The following ARMC9 variants were observed in gnomAD, a reference collection of about 807,000 sequenced individuals.
The protein encoded by ARMC9 is armadillo repeat containing 9, also known as lisH domain-containing protein ARMC9.
A neutral mutation model predicts 107.0 loss-of-function variants in ARMC9; 94 were observed. The ratio of observed to expected loss-of-function variants is 0.88; its 90% CI spans 0.74 to 1.04. The LOEUF (loss-of-function observed/expected upper bound fraction) is 1.04, where lower values mean the gene tolerates loss of function less well. Among genes scored for constraint, ARMC9 ranks in the 50% least tolerant of loss-of-function variants. The pLI is 0.00. For missense variants in ARMC9, 942 were observed against 1,030.1 expected (o/e 0.91, Z 1.17); for synonymous variants, 380 against 396.9 (o/e 0.96, Z 0.51).
intron 9 of ARMC9, among the ~76,000 whole-genome samples, chr2:231,251,555 G>A (rs191690750): frequency 1.4e-3 from 218 of 152,282 alleles, no homozygotes; most frequent in Non-Finnish European, 2.7e-3. Flanking sequence ...ACTGAGGCGT[G>A]GGGAGTTATT....
At chr2:231,280,220 C>T (rs769735849) in intron 16 of ARMC9, among the ~76,000 whole-genome samples, 40 of 152,038 alleles carry the variant, frequency 2.6e-4, no homozygotes, top group Admixed American at 7.9e-4. Flanking sequence ...TTTGGGAGAC[C>T]GAGGCAGGAG....
At chr2:231,342,997 T>G (rs1375263522) in intron 20 of ARMC9, among the ~76,000 whole-genome samples, 1 of 152,100 alleles carries the variant, frequency 6.6e-6, no homozygotes, top group Admixed American at 6.6e-5. Flanking sequence ...CACTGCAACC[T>G]CCACCTCCCT....
chr2:231,272,110 G>A (rs2039370685), intron 13 of ARMC9, among the ~76,000 whole-genome samples: 1 of 150,552 alleles, frequency 6.6e-6, no homozygotes. Flanking sequence ...TAAAACCAAC[G>A]TTTAACGTTT....
intron 2 of ARMC9, among the ~76,000 whole-genome samples, chr2:231,207,624 C>T (rs897870726): frequency 1.3e-5 from 2 of 152,166 alleles, no homozygotes; most frequent in Non-Finnish European, 2.9e-5. Flanking sequence ...TACAGGCACG[C>T]GCCACTGCGC....
intron 3 of ARMC9, among the ~76,000 whole-genome samples, chr2:231,210,995 T>A (rs2032764577): frequency 6.6e-6 from 1 of 152,198 alleles, no homozygotes; most frequent in African/African-American, 2.4e-5. Flanking sequence ...ATAAATGGAA[T>A]TATGCAGTAT....
intron 18 of ARMC9, chr2:231,295,184 C>T (rs1559420425): frequency 6.6e-6 from 1 of 152,240 alleles, no homozygotes; most frequent in Non-Finnish European, 1.5e-5. Flanking sequence ...ACCTTCATGT[C>T]ATTTGTTCAA....
At chr2:231,285,546 T>C (rs1000685307) in intron 17 of ARMC9, among the ~76,000 whole-genome samples, 2 of 151,744 alleles carry the variant, frequency 1.3e-5, no homozygotes, top group African/African-American at 4.8e-5. Context: ...CTCGGGAGGC[T>C]GAGGCAGGAG....
chr2:231,264,740 G>A (rs1012066945), intron 12 of ARMC9, among the ~76,000 whole-genome samples: 4 of 147,890 alleles, frequency 2.7e-5, no homozygotes, highest in Middle Eastern at 3.8e-3. Context: ...CGGGTGATCC[G>A]CCCGCCTCAG....
At chr2:231,308,873 G>A (rs1355178222) in intron 19 of ARMC9, among the ~76,000 whole-genome samples, 1 of 152,224 alleles carries the variant, frequency 6.6e-6, no homozygotes, top group African/African-American at 2.4e-5. Flanking sequence ...TGCTCTCCAT[G>A]AATCAGTCAC....
intron 20 of ARMC9, among the ~76,000 whole-genome samples, chr2:231,332,239 GA>G (rs2043792022): frequency 6.6e-6 from 1 of 152,208 alleles, no homozygotes; most frequent in Non-Finnish European, 1.5e-5. Flanking sequence ...AGGGAATACT[GA>G]GGTAGACTTG....
At position 231,257,460 on chromosome 2, in the gene ARMC9, G is replaced by A. The variant is rs79685138; in HGVS notation, c.914+840G>A. On this transcript the variant is annotated intron_variant, in intron 10 of 24. Coordinates refer to ENST00000611582, the MANE Select transcript of ARMC9 (RefSeq NM_001352754.2). ...CCAGCTTTGCGGGAGAGGAGGGGAA[G>A]ACGGGTGCTGTGTGATTCCTCACAC... is the stretch of plus-strand genomic sequence containing the variant. Among the ~76,000 whole-genome samples the A allele has an allele frequency of 7.4e-3, 1,130 of 152,312 alleles. 6 individuals are homozygous for A. Among genetic ancestry groups the A allele is most frequent in the Middle Eastern group, 0.014 (4 of 294 alleles).
In ARMC9 at chr2:231,358,331, C is replaced by T. The variant is rs2045423476; in HGVS notation, c.2131+2397C>T. On this transcript the variant is annotated intron_variant, in intron 22 of 24. Transcript: ENST00000611582. This position sits in a 1 kb window ranked among gnomAD's most constrained non-coding sequence, Gnocchi z 4.5. ...CTTCCTCCAGACAGTCCTGCTTCTCCATCCCTCCCCTCCACTTCAATTGAT... is the reference window on the plus strand; with the variant it reads ...CTTCCTCCAGACAGTCCTGCTTCTCTATCCCTCCCCTCCACTTCAATTGAT... Among the ~76,000 whole-genome samples the T allele has an allele frequency of 6.6e-6, 1 of 151,968 alleles. No individual in the cohort carries two copies. Among genetic ancestry groups the T allele is most frequent in the Admixed American group, 6.5e-5 (1 of 15,268 alleles).
intron 6 of ARMC9, 132 bp downstream of exon 6, chr2:231,222,952 C>T (rs1559310423): frequency 1.8e-6 from 1 of 561,852 alleles, no homozygotes; most frequent in African/African-American, 1.9e-5. Flanking sequence ...TTCATATTTA[C>T]AAGGTCAATG....
intron 24 of ARMC9, among the ~76,000 whole-genome samples, chr2:231,370,885 T>C (rs1306131731): frequency 6.6e-6 from 1 of 152,176 alleles, no homozygotes; most frequent in Non-Finnish European, 1.5e-5. Context: ...CCGCTTAGGA[T>C]ATGCGCATTT....
chr2:231,355,694 T>G, intron 21 of ARMC9, 104 bp from the exon 22 acceptor site: 2 of 1,346,144 alleles, frequency 1.5e-6, no homozygotes, highest in Non-Finnish European at 2.0e-6. Context: ...AACAAGACTT[T>G]GAGGCACCGC....
rs111854980 is a variant in ARMC9 at position 231,215,049 on chromosome 2, A to G, written c.348+48A>G. 177 of 1,584,190 alleles carry G rather than the reference A, an allele frequency of 1.1e-4. 1 individual carries two copies. In the African/African-American group the frequency reaches 2.0e-3, roughly 18 times the overall value. ...GTGGGTCTGAGTGGTGTGTTAAGGA[A>G]CAGTGTTTGCTGTCATTGTCCACAT... On this transcript the variant is annotated intron_variant, in intron 4 of 24. Transcript: ENST00000611582.
intron 24 of ARMC9, chr2:231,370,787 A>G (rs2045987220): frequency 4.1e-6 from 1 of 241,300 alleles, no homozygotes; most frequent in Non-Finnish European, 8.4e-6. Flanking sequence ...TCCACGCCCC[A>G]ACTGAGCTGA....
chr2:231,245,240 A>G (rs965184781), intron 9 of ARMC9, among the ~76,000 whole-genome samples: 2 of 152,238 alleles, frequency 1.3e-5, no homozygotes, highest in South Asian at 4.1e-4. Context: ...GGGAGAAATC[A>G]GATTTTATAT....
chr2:231,330,757 CT>C (rs2043676452), intron 19 of ARMC9, among the ~76,000 whole-genome samples: 1 of 152,110 alleles, frequency 6.6e-6, no homozygotes, highest in East Asian at 1.9e-4. Context: ...TAAAATCTTC[CT>C]GTCATGCCAG....
Sources: gnomAD v4.1 joint callset for allele counts (sites outside exome capture counted in the v4.1 genomes callset) on GRCh38, gnomAD v4.1.1 for gene constraint, Gnocchi (gnomAD v3.1) non-coding constraint, MANE v1.5 for transcripts, NCBI Gene and HGNC (gene_info 2026-07-23, HGNC 2026-07-21) for gene names.